Variants in PCBP3 observed in about 807,000 individuals in gnomAD.
The protein encoded by PCBP3 is poly(rC) binding protein 3, also known as poly(rC)-binding protein 3.
A neutral mutation model predicts 52.7 loss-of-function variants in PCBP3; 25 were observed. The ratio of observed to expected loss-of-function variants is 0.47; its 90% CI spans 0.35 to 0.66. PCBP3 has a LOEUF of 0.66. Ranked by LOEUF, PCBP3 falls within the 30% of genes least tolerant of loss-of-function variation. PCBP3 has a pLI of 0.01. For missense variants in PCBP3, 391 were observed against 490.3 expected (o/e 0.80, Z 1.91); for synonymous variants, 162 against 183.0 (o/e 0.89, Z 0.93).
In PCBP3 at chr21:45,805,237, C is replaced by T. The variant is rs955603607; in HGVS notation, c.-125-44724C>T. Among the ~76,000 whole-genome samples, 7 of 152,186 alleles carry T rather than the reference C, an allele frequency of 4.6e-5. No homozygotes were observed. Among genetic ancestry groups the T allele is most frequent in the African/African-American group, 1.4e-4 (6 of 41,442 alleles). The stretch of plus-strand genomic sequence containing the variant: ...GGGTCTAAGGCTGTTCCCCGGAAGC[C>T]TACCTTCTATAGGAAGAGGCATTCT... On this transcript the variant is annotated intron_variant, in intron 4 of 17. Coordinates refer to ENST00000681687, the MANE Select transcript of PCBP3 (RefSeq NM_001384156.1). This position sits in a 1 kb window ranked among gnomAD's most constrained non-coding sequence, Gnocchi z 4.6.
chr21:45,845,692 T>G (rs2093795828), intron 4 of PCBP3, among the ~76,000 whole-genome samples: 1 of 152,102 alleles, frequency 6.6e-6, no homozygotes, highest in East Asian at 1.9e-4. Flanking sequence ...TGTGAGCTGC[T>G]TAAGCACCCG....
In PCBP3 at chr21:45,876,482, C is replaced by T. The variant is rs79441790; in HGVS notation, c.11-19726C>T. Among the ~76,000 whole-genome samples, 1,037 of 152,216 alleles carry T rather than the reference C, an allele frequency of 6.8e-3. 12 individuals are homozygous for T. Among genetic ancestry groups the T allele is most frequent in the African/African-American group, 0.023 (975 of 41,524 alleles). On this transcript the variant is annotated intron_variant, in intron 5 of 17. Transcript: ENST00000681687. ...TGTTCCCCACTGGCACCTTTGTCTG[C>T]CTTGACGCTGAGTAGCAGGGGAGCA...
chr21:45,803,137 C>T (rs975564981), intron 4 of PCBP3, among the ~76,000 whole-genome samples: 1 of 152,198 alleles, frequency 6.6e-6, no homozygotes, highest in Non-Finnish European at 1.5e-5. Context: ...GGTGTGCCTG[C>T]AGCTGTGTGG....
chr21:45,819,839 G>A lies in PCBP3; in HGVS notation c.-125-30122G>A, dbSNP rs572162105. ...CACAGGGCCTCTGCCAGATGGACTCGGGCCAAGCTCCGTCTGTCATGTTAA... is the reference window on the plus strand; with the variant it reads ...CACAGGGCCTCTGCCAGATGGACTCAGGCCAAGCTCCGTCTGTCATGTTAA... On this transcript the variant is annotated intron_variant, in intron 4 of 17. Coordinates refer to ENST00000681687, the MANE Select transcript of PCBP3 (RefSeq NM_001384156.1). 4.6e-5 allele frequency among the ~76,000 whole-genome samples: 7 copies of A among 152,364 alleles called. No homozygotes were observed. In the South Asian group the frequency reaches 6.2e-4, roughly 14 times the overall value.
chr21:45,700,222 A>T (rs1368073878), intron 2 of PCBP3, among the ~76,000 whole-genome samples: 1 of 152,228 alleles, frequency 6.6e-6, no homozygotes, highest in Non-Finnish European at 1.5e-5. Context: ...GATTACTAAT[A>T]TTCTGTGGTC....
intron 3 of PCBP3, among the ~76,000 whole-genome samples, chr21:45,742,063 AT>A (rs1438599427): frequency 6.6e-6 from 1 of 152,204 alleles, no homozygotes; most frequent in Non-Finnish European, 1.5e-5. Context: ...ATGGTTTCCC[AT>A]GTTGTGGATC....
chr21:45,885,130 A>T (rs1434635127), intron 5 of PCBP3, among the ~76,000 whole-genome samples: 1 of 152,078 alleles, frequency 6.6e-6, no homozygotes, highest in South Asian at 2.1e-4. Flanking sequence ...CCTTCATCCC[A>T]TAATGTCTTT....
At chr21:45,845,373 G>A (rs929980741) in intron 4 of PCBP3, among the ~76,000 whole-genome samples, 1 of 152,270 alleles carries the variant, frequency 6.6e-6, no homozygotes, top group Non-Finnish European at 1.5e-5. Flanking sequence ...TTAAGCACCC[G>A]TGTGCACATG....
intron 2 of PCBP3, among the ~76,000 whole-genome samples, chr21:45,669,825 A>ATATATG (rs1327937885): frequency 7.8e-6 from 1 of 128,106 alleles, no homozygotes; most frequent in African/African-American, 2.8e-5. Context: ...ATATATATAT[A>ATATATG]TATATATATA....
At chr21:45,809,813 G>A (rs2092628337) in intron 4 of PCBP3, among the ~76,000 whole-genome samples, 1 of 152,214 alleles carries the variant, frequency 6.6e-6, no homozygotes, top group Admixed American at 6.5e-5. Context: ...GGGGTCCTAA[G>A]GCTTCTGCTC....
chr21:45,720,591 A>G (rs896868357), intron 2 of PCBP3, among the ~76,000 whole-genome samples: 6 of 152,262 alleles, frequency 3.9e-5, no homozygotes, highest in African/African-American at 1.2e-4. Context: ...ATGCCTTAGC[A>G]GTAAAAGTAT....
intron 4 of PCBP3, chr21:45,831,156 G>A: frequency 6.6e-6 from 1 of 152,518 alleles, no homozygotes; most frequent in Non-Finnish European, 1.5e-5. Context: ...CTGATCACAG[G>A]CTCACTGAGG....
chr21:45,717,261 A>T (rs945590054), intron 2 of PCBP3, among the ~76,000 whole-genome samples: 7 of 152,146 alleles, frequency 4.6e-5, no homozygotes, highest in African/African-American at 1.7e-4. Flanking sequence ...TTCTATATAC[A>T]ATATCATGTC....
At chr21:45,939,991 G>T (rs1284874146) in intron 16 of PCBP3, 39 bp from the exon 17 acceptor site, 2 of 1,590,234 alleles carry the variant, frequency 1.3e-6, no homozygotes, top group Non-Finnish European at 8.6e-7. Flanking sequence ...GGGCTGGCTT[G>T]GGCTGTTCTC....
At chr21:45,706,327 T>A (rs2083446772) in intron 2 of PCBP3, among the ~76,000 whole-genome samples, 1 of 152,186 alleles carries the variant, frequency 6.6e-6, no homozygotes, top group South Asian at 2.1e-4. Context: ...GTTCATTGAT[T>A]CTGAGTGTGC....
intron 4 of PCBP3, among the ~76,000 whole-genome samples, chr21:45,770,509 A>AT: frequency 6.6e-6 from 1 of 152,036 alleles, no homozygotes; most frequent in South Asian, 2.1e-4. Context: ...TGTGGCAGAG[A>AT]TTTTTTTATG....
chr21:45,809,836 G>A (rs1158582577), intron 4 of PCBP3, among the ~76,000 whole-genome samples: 1 of 152,230 alleles, frequency 6.6e-6, no homozygotes, highest in Non-Finnish European at 1.5e-5. Flanking sequence ...TGGTGTACAA[G>A]CCTTGCATAC....
At chr21:45,825,347 TC>T (rs1221463524) in intron 4 of PCBP3, among the ~76,000 whole-genome samples, 4 of 152,142 alleles carry the variant, frequency 2.6e-5, no homozygotes, top group Non-Finnish European at 5.9e-5. Flanking sequence ...CTGGCCCTCC[TC>T]CCTGATCGTC....
chr21:45,852,872 T>C (rs1182681754), intron 5 of PCBP3, among the ~76,000 whole-genome samples: 1 of 152,246 alleles, frequency 6.6e-6, no homozygotes, highest in Non-Finnish European at 1.5e-5. Context: ...ACATCAGCAA[T>C]AGTAAACTAA....
Sources: gnomAD v4.1 joint callset for allele counts (sites outside exome capture counted in the v4.1 genomes callset) on GRCh38, gnomAD v4.1.1 for gene constraint, Gnocchi (gnomAD v3.1) non-coding constraint, MANE v1.5 for transcripts, NCBI Gene and HGNC (gene_info 2026-07-23, HGNC 2026-07-21) for gene names.